The following ARAP1 variants were observed in gnomAD, a reference collection of about 807,000 sequenced individuals.
ARAP1 encodes arf-GAP with Rho-GAP domain, ANK repeat and PH domain-containing protein 1.
ARAP1 carries 76 observed loss-of-function variants against 172.2 expected under a neutral mutation model. That is an observed-to-expected ratio of 0.44 (90% CI 0.37 to 0.53). The LOEUF is 0.53. ARAP1 is among the 20% of genes least tolerant of loss of function. ARAP1 has a pLI of 0.00. For synonymous variants in ARAP1, 804 were observed against 803.3 expected, an observed-to-expected ratio of 1.00 and a Z score of -0.01; for missense variants, 1,686 against 1,977.5, an observed-to-expected ratio of 0.85 and a Z score of 2.80.
chr11:72,712,605 C>A (rs1330050537), intron 5 of ARAP1, 37 bp from the exon 6 acceptor site: 2 of 1,608,952 alleles, frequency 1.2e-6, no homozygotes, highest in Admixed American at 1.7e-5. Context: ...TCCTTCCCTT[C>A]AAGCCACAGA....
At position 72,688,378 on chromosome 11, in the gene ARAP1, C is replaced by G. The variant is rs946891111; in HGVS notation, c.4070+77G>C. The G allele has an allele frequency of 1.3e-5, 18 of 1,379,480 alleles. No homozygotes were observed. In the African/African-American group the frequency reaches 2.6e-4, roughly 20 times the overall value. The allele number at this position is 1,379,480 out of a possible 1,614,324, so 85.5% of individuals were successfully genotyped here. ...CACCTATCTCTGTCAAATTAAAAAC[C>G]CCAGCTGTGCCTCCCCCATCAGTTC... On this transcript the variant is annotated intron_variant, in intron 31 of 34. Coordinates refer to ENST00000393609, the MANE Select transcript of ARAP1 (RefSeq NM_001040118.3).
In ARAP1 at chr11:72,695,360, C is replaced by G. The variant is rs1427032817; in HGVS notation, c.3576+27G>C. ...CCTGGCCCAGCCTGATTCTCTAGCC[C>G]CTTGGCTTCTAGGTCCCAGCACCTA... On this transcript the variant is annotated intron_variant, in intron 26 of 34. Coordinates refer to ENST00000393609, the MANE Select transcript of ARAP1 (RefSeq NM_001040118.3). The surrounding 1 kb of genome is among the most constrained non-coding windows in gnomAD (Gnocchi z 4.4). 1 of 1,613,984 alleles carries G rather than the reference C, an allele frequency of 6.2e-7. No individual in the cohort carries two copies. The highest frequency in any genetic ancestry group is 1.1e-5 in the South Asian group (1 of 91,062).
intron 2 of ARAP1, among the ~76,000 whole-genome samples, chr11:72,732,188 G>C (rs748835523): frequency 3.3e-4 from 50 of 152,268 alleles, no homozygotes; most frequent in Non-Finnish European, 6.2e-4. Context: ...ACCATGAATA[G>C]AGCCTGAGAA....
In ARAP1 at chr11:72,687,673, G is replaced by A. The variant is rs1305754551; in HGVS notation, c.4121+15C>T. On this transcript the variant is annotated intron_variant, in intron 32 of 34. Coordinates refer to ENST00000393609, the MANE Select transcript of ARAP1 (RefSeq NM_001040118.3). ...TTTCCTCAGCCTGGGATCTCAGGAT[G>A]AGGCGCTCACTCACCACTGCTGCTT... 1 of 1,614,198 alleles carries A rather than the reference G, an allele frequency of 6.2e-7. No individual in the cohort carries two copies.
At chr11:72,733,667 C>G (rs1857931720) in intron 1 of ARAP1, among the ~76,000 whole-genome samples, 2 of 152,182 alleles carry the variant, frequency 1.3e-5, no homozygotes, top group South Asian at 4.1e-4. Context: ...CTAGGGTTAA[C>G]TTCAAAACTG....
chr11:72,726,577 TC>T lies in ARAP1; in HGVS notation c.509+42del. On this transcript the variant is annotated intron_variant, in intron 3 of 34. Coordinates refer to ENST00000393609, the MANE Select transcript of ARAP1 (RefSeq NM_001040118.3). The surrounding 1 kb of genome is among the most constrained non-coding windows in gnomAD (Gnocchi z 6.5). ...CAAACTCCCCATCTACCCTCTGGGA[TC>T]CTCTGCCTGTGCGCCTCCCACCCTG... 6.9e-7 allele frequency: 1 copy of T among 1,458,114 alleles called. No homozygotes were observed. The highest frequency in any genetic ancestry group is 9.0e-7 in the Non-Finnish European group (1 of 1,106,384). The allele number at this position is 1,458,114 out of a possible 1,614,324, so 90.3% of individuals were successfully genotyped here.
At chr11:72,706,024 G>T in intron 12 of ARAP1, 134 bp from the exon 13 acceptor site, 1 of 763,694 alleles carries the variant, frequency 1.3e-6, no homozygotes, top group Non-Finnish European at 2.1e-6. Flanking sequence ...CCTGCTGGCA[G>T]CTCTGGAATC....
chr11:72,747,702 T>C (rs1858409733), intron 1 of ARAP1, among the ~76,000 whole-genome samples: 1 of 152,186 alleles, frequency 6.6e-6, no homozygotes, highest in African/African-American at 2.4e-5. Context: ...AACCACTGTA[T>C]GAACAAGAGC....
intron 16 of ARAP1, among the ~76,000 whole-genome samples, chr11:72,701,380 C>G (rs1856477335): frequency 6.6e-6 from 1 of 152,154 alleles, no homozygotes; most frequent in Non-Finnish European, 1.5e-5. Context: ...CTACCAGATG[C>G]TCAGCAGAGC....
chr11:72,686,916 A>G (rs965154055), intron 33 of ARAP1, among the ~76,000 whole-genome samples: 1 of 152,062 alleles, frequency 6.6e-6, no homozygotes, highest in African/African-American at 2.4e-5. Flanking sequence ...GTGACCTACA[A>G]GCCTCTTCTG....
In ARAP1 at chr11:72,699,359, C is replaced by G; in HGVS notation, c.2438+58G>C. On this transcript the variant is annotated intron_variant, in intron 17 of 34. Transcript: ENST00000393609. The surrounding 1 kb of genome is among the most constrained non-coding windows in gnomAD (Gnocchi z 4.2). ...TTCTCTGGGTCTATTTCCCTGTCTCCCCAGTGGGGGATTGTACCTTATAGC... is the reference window on the plus strand; with the variant it reads ...TTCTCTGGGTCTATTTCCCTGTCTCGCCAGTGGGGGATTGTACCTTATAGC... The G allele has an allele frequency of 6.2e-7, 1 of 1,608,036 alleles. No individual in the cohort carries two copies. The highest frequency in any genetic ancestry group is 8.5e-7 in the Non-Finnish European group (1 of 1,176,136).
At chr11:72,702,444 G>A (rs1405340687) in intron 15 of ARAP1, among the ~76,000 whole-genome samples, 1 of 152,174 alleles carries the variant, frequency 6.6e-6, no homozygotes, top group Non-Finnish European at 1.5e-5. Flanking sequence ...GGGAGCCAAT[G>A]GTACCCAAAC....
Position 72,727,161 on chromosome 11 carries a change from C to T in ARAP1, c.-33G>A. ...GCCAGCGGAGGCCTGACTGGCAGGG[C>T]TTTGTCCAGAGCTAGAATAGACAGA... On this transcript the variant is annotated 5_prime_UTR_variant, in exon 3 of 35. Transcript: ENST00000393609. The T allele has an allele frequency of 6.5e-7, 1 of 1,542,214 alleles. No individual in the cohort carries two copies. The highest frequency in any genetic ancestry group is 8.7e-7 in the Non-Finnish European group (1 of 1,143,882).
At chr11:72,705,404 A>G (rs1323448051) in intron 13 of ARAP1, 1 of 167,142 alleles carries the variant, frequency 6.0e-6, no homozygotes. Context: ...GGGTAATCTC[A>G]GGCAGATTAC....
At chr11:72,734,993 T>G (rs1295381307) in intron 1 of ARAP1, among the ~76,000 whole-genome samples, 1 of 152,180 alleles carries the variant, frequency 6.6e-6, no homozygotes, top group Admixed American at 6.5e-5. Flanking sequence ...TCTCAACTTT[T>G]TTTTTTAGAC....
At position 72,693,071 on chromosome 11, in the gene ARAP1, T is replaced by C; in HGVS notation, c.3954+254A>G. 1 of 649,114 alleles carries C rather than the reference T, an allele frequency of 1.5e-6. No homozygotes were observed. Among genetic ancestry groups the C allele is most frequent in the Non-Finnish European group, 2.7e-6 (1 of 376,332 alleles). The allele number at this position is 649,114 out of a possible 1,614,324, so 40.2% of individuals were successfully genotyped here. ...ATGCAGTGATAAGGCACAGGCACAG[T>C]GAGACAGAGCATGGGCATGGAGTGG... On this transcript the variant is annotated intron_variant, in intron 29 of 34. Coordinates refer to ENST00000393609, the MANE Select transcript of ARAP1 (RefSeq NM_001040118.3). This position sits in a 1 kb window ranked among gnomAD's most constrained non-coding sequence, Gnocchi z 4.6.
intron 21 of ARAP1, 54 bp downstream of exon 21, chr11:72,697,269 C>T: frequency 1.6e-6 from 2 of 1,245,778 alleles, no homozygotes; most frequent in Non-Finnish European, 1.1e-6. Flanking sequence ...AGCTCTGGGG[C>T]GGGAGGCGGC....
intron 6 of ARAP1, 47 bp downstream of exon 6, chr11:72,712,391 C>A: frequency 3.3e-6 from 5 of 1,524,796 alleles, no homozygotes; most frequent in African/African-American, 1.4e-5. Context: ...AAGGAGGGGG[C>A]GGGCTGAGGT....
At chr11:72,745,865 C>G (rs970194295) in intron 1 of ARAP1, among the ~76,000 whole-genome samples, 1 of 152,168 alleles carries the variant, frequency 6.6e-6, no homozygotes, top group African/African-American at 2.4e-5. Context: ...GCTCCTGACC[C>G]GCAGCCTCTT....
Sources: allele counts gnomAD v4.1 joint callset (sites outside exome capture counted in the v4.1 genomes callset), GRCh38; gene constraint gnomAD v4.1.1; non-coding constraint Gnocchi (gnomAD v3.1); transcripts MANE v1.5; gene names NCBI Gene and HGNC (gene_info 2026-07-23, HGNC 2026-07-21).